LINGO2: variants seen among roughly 807,000 people sequenced by gnomAD.
The protein encoded by LINGO2 is leucine rich repeat and Ig domain containing 2.
A neutral mutation model predicts 30.6 loss-of-function variants in LINGO2; 14 were observed. The observed-to-expected ratio is 0.46, with a 90% CI of 0.30 to 0.72. The LOEUF (loss-of-function observed/expected upper bound fraction) is 0.72. Ranked by LOEUF, LINGO2 falls within the 30% of genes least tolerant of loss-of-function variation. The pLI, the probability that LINGO2 is intolerant of heterozygous loss-of-function variation, is 0.07. For synonymous variants in LINGO2, 317 were observed against 288.5 expected (o/e 1.10, Z -1.00); for missense variants, 729 against 751.7 (o/e 0.97, Z 0.35).
intron 5 of LINGO2, among the ~76,000 whole-genome samples, chr9:27,964,298 C>T (rs1174388340): frequency 1.3e-5 from 2 of 151,998 alleles, no homozygotes; most frequent in Non-Finnish European, 2.9e-5. Flanking sequence ...TATTCAGTGG[C>T]TCACGCAAGT....
intron 3 of LINGO2, among the ~76,000 whole-genome samples, chr9:28,358,922 C>T (rs1034342910): frequency 2.0e-5 from 3 of 152,090 alleles, no homozygotes; most frequent in Non-Finnish European, 4.4e-5. Flanking sequence ...CCAACTGCTG[C>T]TAAGGGGGAA....
chr9:28,153,334 CAT>C (rs1236150963), intron 4 of LINGO2, among the ~76,000 whole-genome samples: 2 of 152,078 alleles, frequency 1.3e-5, no homozygotes, highest in African/African-American at 2.4e-5. Context: ...GAAGTTTGCA[CAT>C]ATATGTTATG....
At chr9:28,721,962 TA>T in the LINGO2 span, among the ~76,000 whole-genome samples, 2 of 152,090 alleles carry the variant, frequency 1.3e-5, no homozygotes, top group African/African-American at 4.8e-5. Flanking sequence ...AAGAACATTG[TA>T]TTATATACGT....
At chr9:27,956,051 T>G (rs1449878216) in intron 5 of LINGO2, among the ~76,000 whole-genome samples, 2 of 148,552 alleles carry the variant, frequency 1.3e-5, no homozygotes, top group Non-Finnish European at 3.0e-5. Flanking sequence ...GCGATTCTCC[T>G]GCCTCAGCCT....
the LINGO2 span, among the ~76,000 whole-genome samples, chr9:29,205,109 T>C: frequency 1.3e-5 from 2 of 152,118 alleles, no homozygotes; most frequent in East Asian, 1.9e-4. Context: ...GGTGCATTCT[T>C]GGCTCACTGC....
chr9:28,772,715 G>A, the LINGO2 span, among the ~76,000 whole-genome samples: 5 of 152,140 alleles, frequency 3.3e-5, no homozygotes, highest in African/African-American at 1.2e-4. Flanking sequence ...CAAGACAGCA[G>A]CACTCTGGAT....
intron 2 of LINGO2, among the ~76,000 whole-genome samples, chr9:28,459,502 A>AT (rs1249679060): frequency 2.2e-5 from 1 of 44,532 alleles, no homozygotes; most frequent in Non-Finnish European, 7.6e-5. Flanking sequence ...TATGTGCCAG[A>AT]AAAAAAAGTC....
Position 28,349,208 on chromosome 9 carries a change from G to A in LINGO2, c.-246+23628C>T, listed in dbSNP as rs541488451. Among the ~76,000 whole-genome samples the A allele has an allele frequency of 3.4e-4, 51 of 152,084 alleles. 1 individual carries two copies. The highest frequency in any genetic ancestry group is 1.4e-3 in the Admixed American group (22 of 15,270). The stretch of plus-strand genomic sequence containing the variant: ...AGACGATCAAATTATTCTGAGCTAC[G>A]GGAGGACATTCAAACCAAAGGCAAA... On this transcript the variant is annotated intron_variant, in intron 3 of 5. Coordinates refer to ENST00000379992, the Ensembl canonical transcript of LINGO2.
At chr9:28,066,272 C>T (rs1014742009) in intron 4 of LINGO2, among the ~76,000 whole-genome samples, 1 of 152,058 alleles carries the variant, frequency 6.6e-6, no homozygotes, top group Non-Finnish European at 1.5e-5. Flanking sequence ...TGATCAGCAA[C>T]AGAGAAAAAG....
chr9:28,467,832 C>T (rs976352808), intron 2 of LINGO2, among the ~76,000 whole-genome samples: 1 of 151,996 alleles, frequency 6.6e-6, no homozygotes, highest in African/African-American at 2.4e-5. Context: ...CATAATACAA[C>T]TGTGTCAACA....
At chr9:28,363,251 A>G (rs1318953886) in intron 3 of LINGO2, among the ~76,000 whole-genome samples, 2 of 152,218 alleles carry the variant, frequency 1.3e-5, no homozygotes, top group African/African-American at 4.8e-5. Flanking sequence ...TTACTCTCAG[A>G]TCAATGATAA....
At chr9:28,973,827 G>T in the LINGO2 span, among the ~76,000 whole-genome samples, 27 of 152,184 alleles carry the variant, frequency 1.8e-4, no homozygotes, top group African/African-American at 5.5e-4. Flanking sequence ...TTAAACAAAC[G>T]CTTTTCCAGA....
At chr9:29,099,409 G>C in the LINGO2 span, among the ~76,000 whole-genome samples, 6,249 of 152,140 alleles carry the variant, frequency 0.041, 198 homozygotes, top group Admixed American at 0.08. Context: ...AAAAGCTTCT[G>C]CAATGCCAAA....
the LINGO2 span, among the ~76,000 whole-genome samples, chr9:28,747,234 T>C: frequency 2.6e-5 from 4 of 151,918 alleles, no homozygotes; most frequent in Non-Finnish European, 2.9e-5. Flanking sequence ...AACGTTTGAA[T>C]GCTGAGAGGA....
At chr9:28,503,637 G>T (rs978563367) in intron 1 of LINGO2, among the ~76,000 whole-genome samples, 8 of 151,812 alleles carry the variant, frequency 5.3e-5, no homozygotes, top group Admixed American at 2.6e-4. Context: ...CCATATACAT[G>T]GATTAATATT....
At chr9:28,861,207 T>A in the LINGO2 span, among the ~76,000 whole-genome samples, 53 of 108,732 alleles carry the variant, frequency 4.9e-4, no homozygotes, top group African/African-American at 1.9e-3. Context: ...TATTATATAT[T>A]TTTTATATAA....
the LINGO2 span, among the ~76,000 whole-genome samples, chr9:29,191,196 A>G: frequency 6.6e-6 from 1 of 152,192 alleles, no homozygotes; most frequent in African/African-American, 2.4e-5. Context: ...CCCTCAATAC[A>G]TAAGTAGAAA....
the LINGO2 span, among the ~76,000 whole-genome samples, chr9:29,181,061 G>T: frequency 2.8e-4 from 42 of 152,274 alleles, no homozygotes; most frequent in African/African-American, 9.6e-4. Flanking sequence ...ATTCACAGTG[G>T]GAAAGTAACT....
At chr9:28,840,277 G>T in the LINGO2 span, among the ~76,000 whole-genome samples, 1 of 151,852 alleles carries the variant, frequency 6.6e-6, no homozygotes, top group African/African-American at 2.4e-5. Flanking sequence ...TGCTGGCTCT[G>T]TGGAGCGTGC....
Sources: gnomAD v4.1 joint callset for allele counts (sites outside exome capture counted in the v4.1 genomes callset) on GRCh38, gnomAD v4.1.1 for gene constraint, MANE v1.5 for transcripts, NCBI Gene and HGNC (gene_info 2026-07-23, HGNC 2026-07-21) for gene names.